BRMS1L: variants seen among roughly 807,000 people sequenced by gnomAD.
BRMS1L encodes breast cancer metastasis-suppressor 1-like protein.
BRMS1L carries 23 observed loss-of-function variants against 50.3 expected under a neutral mutation model. That is an observed-to-expected ratio of 0.46 (90% CI 0.33 to 0.65). BRMS1L has a LOEUF of 0.65. Among genes scored for constraint, BRMS1L ranks in the 30% least tolerant of loss-of-function variants. The pLI is 0.02. For synonymous variants in BRMS1L, 114 were observed against 126.9 expected (o/e 0.90, Z 0.69); for missense variants, 286 against 386.1 (o/e 0.74, Z 2.17).
intron 9 of BRMS1L, among the ~76,000 whole-genome samples, chr14:35,868,560 T>C (rs888337739): frequency 6.6e-6 from 1 of 152,074 alleles, no homozygotes; most frequent in Non-Finnish European, 1.5e-5. Flanking sequence ...TGAGGCAGGA[T>C]TGGGTGAGGC....
chr14:35,870,579 T>C lies in BRMS1L; in HGVS notation c.*102T>C. ...TCAATAACTTAATATTCTCACTGAA[T>C]CATGAGAGAATGTGTATTTGTAGGT... On this transcript the variant is annotated 3_prime_UTR_variant, in exon 10 of 10. Transcript: ENST00000216807. The C allele has an allele frequency of 1.5e-6, 1 of 679,220 alleles. No homozygotes were observed. The highest frequency in any genetic ancestry group is 2.6e-6 in the Non-Finnish European group (1 of 387,064). The allele number at this position is 679,220 out of a possible 1,614,324, so 42.1% of individuals were successfully genotyped here.
At chr14:35,836,401 A>G (rs1432721172) in intron 4 of BRMS1L, among the ~76,000 whole-genome samples, 2 of 152,122 alleles carry the variant, frequency 1.3e-5, no homozygotes, top group Non-Finnish European at 2.9e-5. Flanking sequence ...GTGCAGTGGC[A>G]TGATCATGGC....
chr14:35,841,646 C>T (rs901512016), intron 4 of BRMS1L, among the ~76,000 whole-genome samples: 5 of 152,184 alleles, frequency 3.3e-5, no homozygotes, highest in Non-Finnish European at 7.3e-5. Context: ...GAAGAACATA[C>T]ATCCTGTTGA....
chr14:35,858,377 G>A (rs1046301643), intron 4 of BRMS1L, among the ~76,000 whole-genome samples: 1 of 152,132 alleles, frequency 6.6e-6, no homozygotes, highest in Non-Finnish European at 1.5e-5. Flanking sequence ...CAGCAACCTG[G>A]ATGTCCCCTT....
intron 1 of BRMS1L, among the ~76,000 whole-genome samples, chr14:35,830,981 C>G (rs2077912898): frequency 6.7e-6 from 1 of 149,864 alleles, no homozygotes; most frequent in South Asian, 2.1e-4. Flanking sequence ...CACTCTGTCA[C>G]CCAGGGTGGA....
chr14:35,829,922 C>T (rs79363648), intron 1 of BRMS1L: 28,185 of 977,140 alleles, frequency 0.029, 1,169 homozygotes, highest in African/African-American at 0.17. Flanking sequence ...TTAACAGTTG[C>T]TTTCCTTAAA....
At chr14:35,832,925 G>A in intron 2 of BRMS1L, 53 bp from the exon 3 acceptor site, 6 of 1,500,144 alleles carry the variant, frequency 4.0e-6, no homozygotes, top group South Asian at 1.2e-5. Context: ...ATGGCAAATT[G>A]TTAGCCTTTG....
At chr14:35,855,868 T>C (rs372220382) in intron 4 of BRMS1L, among the ~76,000 whole-genome samples, 1 of 152,232 alleles carries the variant, frequency 6.6e-6, no homozygotes, top group African/African-American at 2.4e-5. Flanking sequence ...ATCTTGATTT[T>C]ATGAGTGGGT....
At chr14:35,858,553 C>T (rs750196682) in intron 4 of BRMS1L, 1 of 152,184 alleles carries the variant, frequency 6.6e-6, no homozygotes, top group Admixed American at 6.5e-5. Context: ...CTTAACACAA[C>T]AATAAACATT....
At chr14:35,843,195 AT>A (rs2078089128) in intron 4 of BRMS1L, among the ~76,000 whole-genome samples, 1 of 152,190 alleles carries the variant, frequency 6.6e-6, no homozygotes, top group Admixed American at 6.5e-5. Flanking sequence ...CGTCAAGCTC[AT>A]TCTCTGTCCA....
At chr14:35,836,506 A>G (rs2142040643) in intron 4 of BRMS1L, among the ~76,000 whole-genome samples, 1 of 152,000 alleles carries the variant, frequency 6.6e-6, no homozygotes. Context: ...ACACCCAGCT[A>G]ATTTTTAAAA....
chr14:35,844,817 T>C (rs2142047160), intron 4 of BRMS1L, among the ~76,000 whole-genome samples: 1 of 152,300 alleles, frequency 6.6e-6, no homozygotes, highest in South Asian at 2.1e-4. Context: ...ATATCAAAAA[T>C]AATTTTGTAT....
intron 1 of BRMS1L, among the ~76,000 whole-genome samples, chr14:35,830,475 G>A (rs1031944654): frequency 6.6e-6 from 1 of 151,782 alleles, no homozygotes; most frequent in Non-Finnish European, 1.5e-5. Flanking sequence ...CTCCCACTTC[G>A]GTCTCTCGAG....
chr14:35,853,285 T>C (rs1466606752), intron 4 of BRMS1L, among the ~76,000 whole-genome samples: 4 of 152,184 alleles, frequency 2.6e-5, no homozygotes, highest in Non-Finnish European at 4.4e-5. Context: ...ACTTTTTAAA[T>C]AGCATATATC....
intron 1 of BRMS1L, among the ~76,000 whole-genome samples, chr14:35,828,754 C>G (rs1432442442): frequency 1.3e-5 from 2 of 152,044 alleles, no homozygotes; most frequent in Non-Finnish European, 2.9e-5. Context: ...CCGTGCCTGG[C>G]CGACGTGTTG....
intron 4 of BRMS1L, among the ~76,000 whole-genome samples, chr14:35,844,824 G>T (rs1286137584): frequency 6.6e-6 from 1 of 152,094 alleles, no homozygotes; most frequent in Non-Finnish European, 1.5e-5. Flanking sequence ...AAATAATTTT[G>T]TATATTGATA....
chr14:35,843,185 C>A (rs547104451), intron 4 of BRMS1L, among the ~76,000 whole-genome samples: 1 of 152,212 alleles, frequency 6.6e-6, no homozygotes, highest in Non-Finnish European at 1.5e-5. Flanking sequence ...TCTGCCAATT[C>A]GTCAAGCTCA....
At chr14:35,828,408 G>A (rs1299782117) in intron 1 of BRMS1L, among the ~76,000 whole-genome samples, 2 of 150,432 alleles carry the variant, frequency 1.3e-5, no homozygotes, top group East Asian at 2.0e-4. Context: ...TCCTGACCTC[G>A]TGATCCACCC....
chr14:35,847,265 A>C (rs561512694), intron 4 of BRMS1L, among the ~76,000 whole-genome samples: 42 of 152,224 alleles, frequency 2.8e-4, no homozygotes, highest in African/African-American at 9.6e-4. Context: ...GGCTGAAGCC[A>C]CTGCACCTGG....
Sources: allele counts gnomAD v4.1 joint callset (sites outside exome capture counted in the v4.1 genomes callset), GRCh38; gene constraint gnomAD v4.1.1; transcripts MANE v1.5; gene names NCBI Gene and HGNC (gene_info 2026-07-23, HGNC 2026-07-21).